B3GALT1: variants seen among roughly 807,000 people sequenced by gnomAD.
The protein encoded by B3GALT1 is beta-1,3-galactosyltransferase 1, also known as UDP-Gal:betaGlcNAc beta 1,3-galactosyltransferase, polypeptide 1.
Under a neutral mutation model 23.2 loss-of-function variants are expected in B3GALT1, and 10 were observed. That is an observed-to-expected ratio of 0.43 (90% CI 0.27 to 0.73). The LOEUF (loss-of-function observed/expected upper bound fraction) is 0.73, where lower values mean the gene tolerates loss of function less well. Among genes scored for constraint, B3GALT1 ranks in the 30% least tolerant of loss-of-function variants. The pLI is 0.21. For synonymous variants in B3GALT1, 156 were observed against 141.5 expected, an observed-to-expected ratio of 1.10 and a Z score of -0.73; for missense variants, 299 against 405.4, an observed-to-expected ratio of 0.74 and a Z score of 2.25.
intron 3 of B3GALT1, among the ~76,000 whole-genome samples, chr2:167,667,849 C>G (rs938147113): frequency 2.6e-5 from 4 of 152,162 alleles, no homozygotes; most frequent in African/African-American, 9.7e-5. Flanking sequence ...ATAGATTCTT[C>G]TAAATTTTTT....
chr2:167,540,505 C>CA (rs1363229054), intron 2 of B3GALT1, among the ~76,000 whole-genome samples: 1 of 152,186 alleles, frequency 6.6e-6, no homozygotes, highest in Non-Finnish European at 1.5e-5. Flanking sequence ...ACCTGATACT[C>CA]ACTGGTTTTC....
chr2:167,725,570 G>T (rs546855807), intron 3 of B3GALT1, among the ~76,000 whole-genome samples: 64 of 152,242 alleles, frequency 4.2e-4, no homozygotes, highest in Admixed American at 9.8e-4. Context: ...AGCTAAGAAG[G>T]GCTAAAATAC....
intron 3 of B3GALT1, among the ~76,000 whole-genome samples, chr2:167,803,029 T>C (rs556673228): frequency 4.9e-4 from 74 of 151,374 alleles, no homozygotes; most frequent in Admixed American, 1.5e-3. Context: ...TGAGGTAACT[T>C]GAGGAAATTA....
intron 3 of B3GALT1, among the ~76,000 whole-genome samples, chr2:167,755,453 A>G (rs758158866): frequency 9.4e-5 from 14 of 148,814 alleles, no homozygotes; most frequent in Non-Finnish European, 2.1e-4. Flanking sequence ...TCTTCCCGAG[A>G]ATTCTATGCT....
At chr2:167,371,775 G>A (rs1441163926) in intron 1 of B3GALT1, among the ~76,000 whole-genome samples, 3 of 151,116 alleles carry the variant, frequency 2.0e-5, no homozygotes, top group African/African-American at 7.3e-5. Flanking sequence ...TGTTTTTAAT[G>A]GATCAGTTCT....
chr2:167,322,447 T>C (rs750710463), intron 1 of B3GALT1, among the ~76,000 whole-genome samples: 1 of 151,950 alleles, frequency 6.6e-6, no homozygotes, highest in African/African-American at 2.4e-5. Context: ...CAACATTAAA[T>C]TTAGAAAAAT....
At chr2:167,780,114 G>A (rs925593636) in intron 3 of B3GALT1, among the ~76,000 whole-genome samples, 5 of 152,182 alleles carry the variant, frequency 3.3e-5, no homozygotes, top group Non-Finnish European at 7.4e-5. Context: ...TATCTTTGCT[G>A]TGTAACCTCC....
At chr2:167,486,676 C>T (rs1049891364) in intron 1 of B3GALT1, among the ~76,000 whole-genome samples, 10 of 152,324 alleles carry the variant, frequency 6.6e-5, no homozygotes, top group Non-Finnish European at 1.2e-4. Flanking sequence ...CGAGATCACA[C>T]CACTGCACTC....
chr2:167,410,530 A>C (rs1698375151), intron 1 of B3GALT1, among the ~76,000 whole-genome samples: 1 of 151,246 alleles, frequency 6.6e-6, no homozygotes, highest in South Asian at 2.1e-4. Flanking sequence ...TTCAACAATG[A>C]GAACACATGG....
chr2:167,460,954 T>C (rs912063426), intron 1 of B3GALT1, among the ~76,000 whole-genome samples: 2 of 152,186 alleles, frequency 1.3e-5, no homozygotes, highest in Non-Finnish European at 2.9e-5. Context: ...TAATCATTAA[T>C]GCCTGGTTCC....
intron 2 of B3GALT1, among the ~76,000 whole-genome samples, chr2:167,533,616 T>C (rs1255693688): frequency 3.3e-5 from 5 of 152,232 alleles, no homozygotes; most frequent in African/African-American, 1.2e-4. Flanking sequence ...AGTTTTCTTA[T>C]GACTGCTCTA....
At chr2:167,367,400 G>A (rs1249376831) in intron 1 of B3GALT1, among the ~76,000 whole-genome samples, 1 of 152,192 alleles carries the variant, frequency 6.6e-6, no homozygotes, top group Non-Finnish European at 1.5e-5. Flanking sequence ...GATCTTCTTA[G>A]GGAAAGTGGT....
intron 3 of B3GALT1, among the ~76,000 whole-genome samples, chr2:167,801,898 G>A (rs968216964): frequency 2.6e-5 from 4 of 152,094 alleles, no homozygotes; most frequent in African/African-American, 4.8e-5. Context: ...ACATGATTTC[G>A]GTGCATCCCT....
chr2:167,566,289 G>A (rs1446910802), intron 2 of B3GALT1, among the ~76,000 whole-genome samples: 1 of 151,834 alleles, frequency 6.6e-6, no homozygotes, highest in Non-Finnish European at 1.5e-5. Flanking sequence ...CTCATAGATG[G>A]GACTTGAACA....
intron 2 of B3GALT1, among the ~76,000 whole-genome samples, chr2:167,611,877 T>C (rs1685073716): frequency 6.6e-6 from 1 of 152,022 alleles, no homozygotes; most frequent in African/African-American, 2.4e-5. Context: ...ATTTCAGACA[T>C]CCAGACTCAA....
chr2:167,515,089 C>T (rs1490739771), intron 2 of B3GALT1, among the ~76,000 whole-genome samples: 2 of 151,982 alleles, frequency 1.3e-5, no homozygotes, highest in South Asian at 4.1e-4. Flanking sequence ...TAATTATTGT[C>T]ATTCATGCAT....
At chr2:167,421,050 T>G (rs1390093600) in intron 1 of B3GALT1, among the ~76,000 whole-genome samples, 1 of 152,214 alleles carries the variant, frequency 6.6e-6, no homozygotes, top group African/African-American at 2.4e-5. Context: ...TGGAACAATA[T>G]AATGCATTAT....
intron 3 of B3GALT1, among the ~76,000 whole-genome samples, chr2:167,700,263 T>G (rs1686858382): frequency 6.6e-6 from 1 of 152,092 alleles, no homozygotes; most frequent in African/African-American, 2.4e-5. Context: ...ATAAATAAAA[T>G]GTATAGTTAT....
intron 2 of B3GALT1, among the ~76,000 whole-genome samples, chr2:167,627,172 G>T (rs541044478): frequency 6.6e-6 from 1 of 151,738 alleles, no homozygotes; most frequent in South Asian, 2.1e-4. Flanking sequence ...GTATGTGTGT[G>T]TCAGTTTTTT....
Sources: gnomAD v4.1 joint callset for allele counts (sites outside exome capture counted in the v4.1 genomes callset) on GRCh38, gnomAD v4.1.1 for gene constraint, MANE v1.5 for transcripts, NCBI Gene and HGNC (gene_info 2026-07-23, HGNC 2026-07-21) for gene names.